C11orf97: variants seen among roughly 807,000 people sequenced by gnomAD.
The protein encoded by C11orf97 is uncharacterized protein C11orf97.
C11orf97 carries 15 observed loss-of-function variants against 16.2 expected under a neutral mutation model. That is an observed-to-expected ratio of 0.93 (90% CI 0.62 to 1.43). The LOEUF is 1.43. Ranked by LOEUF, C11orf97 falls within the 40% of genes most tolerant of loss-of-function variation. The probability of loss-of-function intolerance (pLI) is 0.00; values close to 1 mark genes in which losing one functional copy is unlikely to be tolerated. For missense variants in C11orf97, 171 were observed against 161.2 expected (o/e 1.06, Z -0.33); for synonymous variants, 61 against 65.7 (o/e 0.93, Z 0.34).
At chr11:94,528,019 A>T (rs1009316135) in intron 2 of C11orf97, 65 bp from the exon 3 acceptor site, 4 of 1,422,382 alleles carry the variant, frequency 2.8e-6, no homozygotes, top group African/African-American at 2.9e-5. Flanking sequence ...TAAATACTTT[A>T]AAAACTCTGT....
chr11:94,515,389 C>A (rs1167926304), intron 1 of C11orf97, among the ~76,000 whole-genome samples: 3 of 152,080 alleles, frequency 2.0e-5, no homozygotes, highest in Non-Finnish European at 4.4e-5. Context: ...CTTAGTCATA[C>A]TTCTCAGTGA....
intron 2 of C11orf97, among the ~76,000 whole-genome samples, chr11:94,527,352 C>T (rs1354833022): frequency 6.6e-6 from 1 of 152,206 alleles, no homozygotes; most frequent in Non-Finnish European, 1.5e-5. Context: ...CCCAAATTCA[C>T]CAACTTACTA....
chr11:94,512,701 A>AC, intron 1 of C11orf97, 28 bp downstream of exon 1: 1 of 1,235,838 alleles, frequency 8.1e-7, no homozygotes, highest in South Asian at 3.8e-5. Flanking sequence ...CGCGGACGCT[A>AC]CTGGGAGGAG....
At chr11:94,529,326 G>T (rs1442783514) in intron 3 of C11orf97, among the ~76,000 whole-genome samples, 1 of 151,814 alleles carries the variant, frequency 6.6e-6, no homozygotes, top group Non-Finnish European at 1.5e-5. Context: ...ACTCAGTAAG[G>T]GAAAAAATAC....
At chr11:94,512,758 G>C (rs769853424) in intron 1 of C11orf97, 85 bp downstream of exon 1, 35 of 1,216,574 alleles carry the variant, frequency 2.9e-5, no homozygotes, top group Admixed American at 4.2e-5. Flanking sequence ...ACCGCAGTGG[G>C]ACTGGCTGAG....
intron 1 of C11orf97, 36 bp downstream of exon 1, chr11:94,512,709 G>A (rs1380428984): frequency 8.1e-7 from 1 of 1,234,522 alleles, no homozygotes; most frequent in African/African-American, 1.6e-5. Flanking sequence ...CTACTGGGAG[G>A]AGGGGCGTGG....
intron 1 of C11orf97, among the ~76,000 whole-genome samples, chr11:94,517,097 G>C (rs925154376): frequency 1.3e-5 from 2 of 152,154 alleles, no homozygotes; most frequent in South Asian, 2.1e-4. Flanking sequence ...GTCCATAAGT[G>C]GTTCACTACT....
At chr11:94,523,943 A>G (rs1947679264) in intron 2 of C11orf97, among the ~76,000 whole-genome samples, 1 of 152,160 alleles carries the variant, frequency 6.6e-6, no homozygotes, top group South Asian at 2.1e-4. Flanking sequence ...TGACAATAGA[A>G]ATAATGGGCT....
In C11orf97 at chr11:94,531,982, GA is replaced by G; in HGVS notation, c.*83del. 8.4e-7 allele frequency: 1 copy of G among 1,185,808 alleles called. No homozygotes were observed. 73.5% of individuals were successfully genotyped at this position (1,185,808 alleles called of 1,614,324 possible). ...GAGAAGAAACTCAAGCTTGTTTCAG[GA>G]TTTAAGATGTGTGCAAAAAAATGAT... On this transcript the variant is annotated 3_prime_UTR_variant, in exon 4 of 4. Transcript: ENST00000542198.
At chr11:94,521,693 A>G (rs1947658952) in intron 2 of C11orf97, among the ~76,000 whole-genome samples, 1 of 152,244 alleles carries the variant, frequency 6.6e-6, no homozygotes, top group Non-Finnish European at 1.5e-5. Context: ...ACAAAGCTGT[A>G]TGATATTGAT....
intron 2 of C11orf97, among the ~76,000 whole-genome samples, chr11:94,524,431 TA>T: frequency 6.6e-6 from 1 of 151,626 alleles, no homozygotes; most frequent in African/African-American, 2.4e-5. Context: ...TCTATTCAGT[TA>T]AAAAAAAGAA....
intron 2 of C11orf97, 56 bp downstream of exon 2, chr11:94,517,743 T>A (rs913773281): frequency 5.2e-5 from 61 of 1,168,516 alleles, no homozygotes; most frequent in Non-Finnish European, 6.7e-5. Flanking sequence ...ATTGCCTACT[T>A]GATGACAGAG....
intron 3 of C11orf97, among the ~76,000 whole-genome samples, chr11:94,529,744 A>C (rs1034114894): frequency 1.3e-4 from 20 of 152,340 alleles, no homozygotes; most frequent in African/African-American, 4.8e-4. Flanking sequence ...AACAAGCAAC[A>C]GTTGTTGTGT....
chr11:94,530,721 T>C (rs1165478655), intron 3 of C11orf97, among the ~76,000 whole-genome samples: 1 of 152,170 alleles, frequency 6.6e-6, no homozygotes, highest in African/African-American at 2.4e-5. Context: ...CTCACATACA[T>C]CCCCTGCTCC....
chr11:94,531,901 G>T lies in C11orf97; in HGVS notation c.*1G>T. ...ACTTTTTTTTTTAACTCTAGGATAA[G>T]ATGAATTAGATTTTCCATTAAGAAG... On this transcript the variant is annotated 3_prime_UTR_variant, in exon 4 of 4. Transcript: ENST00000542198. 6.8e-7 allele frequency: 1 copy of T among 1,465,426 alleles called. No homozygotes were observed. The highest frequency in any genetic ancestry group is 9.0e-7 in the Non-Finnish European group (1 of 1,110,962). 90.8% of individuals were successfully genotyped at this position (1,465,426 alleles called of 1,614,324 possible).
chr11:94,531,005 T>C (rs995365141), intron 3 of C11orf97, among the ~76,000 whole-genome samples: 2 of 152,170 alleles, frequency 1.3e-5, no homozygotes, highest in African/African-American at 4.8e-5. Context: ...CTTCTCTCTT[T>C]CTCATGAACA....
intron 3 of C11orf97, among the ~76,000 whole-genome samples, chr11:94,528,918 G>T (rs566917): frequency 6.6e-6 from 1 of 151,800 alleles, no homozygotes; most frequent in Non-Finnish European, 1.5e-5. Context: ...TTCAAGCTTG[G>T]GTACTCAACC....
intron 1 of C11orf97, among the ~76,000 whole-genome samples, chr11:94,514,831 G>C (rs1340190533): frequency 6.6e-6 from 1 of 151,798 alleles, no homozygotes. Context: ...TTTTAGTAGA[G>C]ATGGGGTTTC....
Position 94,532,068 on chromosome 11 carries a change from A to C in C11orf97, c.*168A>C. 1 of 433,396 alleles carries C rather than the reference A, an allele frequency of 2.3e-6. No homozygotes were observed. The highest frequency in any genetic ancestry group is 3.9e-6 in the Non-Finnish European group (1 of 254,972). 26.8% of individuals were successfully genotyped at this position (433,396 alleles called of 1,614,324 possible). The stretch of plus-strand genomic sequence containing the variant: ...TCTATAAATTAATCCAAAGTAATGA[A>C]AGACTATTGGTAATGTTCAGTAAGT... On this transcript the variant is annotated 3_prime_UTR_variant, in exon 4 of 4. Transcript: ENST00000542198.
Sources: gnomAD v4.1 joint callset for allele counts (sites outside exome capture counted in the v4.1 genomes callset) on GRCh38, gnomAD v4.1.1 for gene constraint, MANE v1.5 for transcripts, NCBI Gene and HGNC (gene_info 2026-07-23, HGNC 2026-07-21) for gene names.